DGKG: variants seen among roughly 807,000 people sequenced by gnomAD.
The protein encoded by DGKG is DAG kinase gamma.
A neutral mutation model predicts 105.3 loss-of-function variants in DGKG; 78 were observed. That is an observed-to-expected ratio of 0.74 (90% CI 0.62 to 0.89). DGKG has a LOEUF of 0.89. DGKG is among the 40% of genes least tolerant of loss of function. DGKG has a pLI of 0.00. For synonymous variants in DGKG, 346 were observed against 367.1 expected, an observed-to-expected ratio of 0.94 and a Z score of 0.66; for missense variants, 958 against 1,020.1, an observed-to-expected ratio of 0.94 and a Z score of 0.83.
At chr3:186,309,527 T>C (rs1216975611) in intron 2 of DGKG, among the ~76,000 whole-genome samples, 1 of 152,216 alleles carries the variant, frequency 6.6e-6, no homozygotes, top group African/African-American at 2.4e-5. Flanking sequence ...CACACATATA[T>C]GTTATTCCAC....
chr3:186,221,036 C>A (rs1475469438), intron 20 of DGKG, among the ~76,000 whole-genome samples: 2 of 152,238 alleles, frequency 1.3e-5, no homozygotes, highest in African/African-American at 4.8e-5. Flanking sequence ...TGCGGGCACA[C>A]ACACAGGCCG....
intron 3 of DGKG, among the ~76,000 whole-genome samples, chr3:186,302,538 G>GTATA (rs769000961): frequency 2.0e-4 from 7 of 35,136 alleles, no homozygotes; most frequent in South Asian, 9.0e-4. Context: ...ATATACATAT[G>GTATA]TATATATATA....
intron 17 of DGKG, 197 bp downstream of exon 17, chr3:186,257,657 G>T: frequency 1.9e-6 from 1 of 531,902 alleles, no homozygotes; most frequent in East Asian, 3.3e-5. Context: ...CCGTATTGGA[G>T]GGAATCATTC....
chr3:186,265,442 A>T, intron 13 of DGKG, 136 bp from the exon 14 acceptor site: 1 of 753,430 alleles, frequency 1.3e-6, no homozygotes, highest in Non-Finnish European at 2.2e-6. Flanking sequence ...GAGGTTTTCA[A>T]CATAGGGCTT....
At chr3:186,267,485 G>T in intron 13 of DGKG, 200 bp downstream of exon 13, 1 of 539,200 alleles carries the variant, frequency 1.9e-6, no homozygotes, top group Non-Finnish European at 3.4e-6. Flanking sequence ...ACAAACTCCC[G>T]CAAGACGTGT....
chr3:186,282,513 G>A (rs1050745937), intron 7 of DGKG, among the ~76,000 whole-genome samples: 5 of 151,960 alleles, frequency 3.3e-5, no homozygotes, highest in South Asian at 2.1e-4. Context: ...TTATTTCAAC[G>A]GCCTCCTAAC....
chr3:186,280,182 C>T (rs1722766154), intron 8 of DGKG, among the ~76,000 whole-genome samples: 1 of 152,196 alleles, frequency 6.6e-6, no homozygotes, highest in African/African-American at 2.4e-5. Flanking sequence ...GTCACCCTGA[C>T]TCTGTGGGCT....
intron 1 of DGKG, among the ~76,000 whole-genome samples, chr3:186,327,971 C>T (rs2108648016): frequency 6.6e-6 from 1 of 152,266 alleles, no homozygotes; most frequent in East Asian, 1.9e-4. Flanking sequence ...CCCATTCTCA[C>T]CCCCATTACC....
At chr3:186,312,204 G>A (rs1264134646) in intron 2 of DGKG, among the ~76,000 whole-genome samples, 7 of 128,548 alleles carry the variant, frequency 5.4e-5, no homozygotes, top group Admixed American at 4.9e-4. Context: ...GTTAAACTCC[G>A]AAAAAACTAT....
At chr3:186,354,863 C>T (rs577119648) in intron 1 of DGKG, among the ~76,000 whole-genome samples, 10 of 152,146 alleles carry the variant, frequency 6.6e-5, no homozygotes, top group Non-Finnish European at 1.5e-4. Context: ...CTGGGTAACC[C>T]CAGGCAGGGC....
intron 21 of DGKG, among the ~76,000 whole-genome samples, chr3:186,193,346 TA>T (rs1316935434): frequency 6.6e-6 from 1 of 152,246 alleles, no homozygotes; most frequent in Admixed American, 6.5e-5. Flanking sequence ...AAATGGAGGA[TA>T]GGGGAATAAC....
intron 21 of DGKG, among the ~76,000 whole-genome samples, chr3:186,202,905 A>T (rs1410487255): frequency 2.0e-5 from 3 of 152,264 alleles, no homozygotes; most frequent in African/African-American, 7.2e-5. Flanking sequence ...CACGGAAGAC[A>T]CAAAGTAGAT....
chr3:186,216,801 C>T (rs1053069628), intron 20 of DGKG, among the ~76,000 whole-genome samples: 3 of 152,114 alleles, frequency 2.0e-5, no homozygotes, highest in Admixed American at 6.5e-5. Flanking sequence ...ACTCTTAGCC[C>T]TTGTTGGAGG....
At chr3:186,156,275 G>C (rs562305650) in intron 24 of DGKG, among the ~76,000 whole-genome samples, 1 of 151,860 alleles carries the variant, frequency 6.6e-6, no homozygotes, top group East Asian at 1.9e-4. Context: ...TTTTGCTTTG[G>C]TTTTGTTTTT....
At chr3:186,331,532 C>T (rs1006180272) in intron 1 of DGKG, among the ~76,000 whole-genome samples, 2 of 152,188 alleles carry the variant, frequency 1.3e-5, no homozygotes, top group Non-Finnish European at 2.9e-5. Flanking sequence ...GTACTTTGTA[C>T]ACCATTAGTG....
chr3:186,309,528 G>A (rs902157282), intron 2 of DGKG, among the ~76,000 whole-genome samples: 2 of 152,160 alleles, frequency 1.3e-5, no homozygotes, highest in Admixed American at 1.3e-4. Context: ...ACACATATAT[G>A]TTATTCCACA....
At chr3:186,341,777 CAAT>C (rs1448006255) in intron 1 of DGKG, among the ~76,000 whole-genome samples, 1 of 152,026 alleles carries the variant, frequency 6.6e-6, no homozygotes, top group African/African-American at 2.4e-5. Flanking sequence ...AAATGTCCAA[CAAT>C]GATAGACTGG....
intron 1 of DGKG, among the ~76,000 whole-genome samples, chr3:186,355,136 C>T (rs1026712313): frequency 2.6e-5 from 3 of 115,008 alleles, no homozygotes; most frequent in Non-Finnish European, 3.9e-5. Context: ...CACCCTGCCC[C>T]CAACCACCAT....
intron 3 of DGKG, among the ~76,000 whole-genome samples, chr3:186,303,933 T>C (rs1724097968): frequency 6.6e-6 from 1 of 152,234 alleles, no homozygotes; most frequent in Non-Finnish European, 1.5e-5. Context: ...ACCCTTCTTA[T>C]TTCCCTAACC....
Sources: allele counts gnomAD v4.1 joint callset (sites outside exome capture counted in the v4.1 genomes callset), GRCh38; gene constraint gnomAD v4.1.1; transcripts MANE v1.5; gene names NCBI Gene and HGNC (gene_info 2026-07-23, HGNC 2026-07-21).